Variants in NOL4 observed in about 807,000 individuals in gnomAD.
NOL4 encodes the protein nucleolar protein 4.
Under a neutral mutation model 75.9 loss-of-function variants are expected in NOL4, and 17 were observed. That is an observed-to-expected ratio of 0.22 (90% confidence interval 0.15 to 0.34). The LOEUF is 0.34. Among genes scored for constraint, NOL4 ranks in the 10% least tolerant of loss-of-function variants. The pLI, the probability that NOL4 is intolerant of heterozygous loss-of-function variation, is 1.00. For synonymous variants in NOL4, 292 were observed against 289.9 expected, an observed-to-expected ratio of 1.01 and a Z score of -0.07; for missense variants, 614 against 793.5, an observed-to-expected ratio of 0.77 and a Z score of 2.72.
intron 1 of NOL4, among the ~76,000 whole-genome samples, chr18:34,168,004 TTC>T (rs751116340): frequency 5.1e-4 from 78 of 152,214 alleles, no homozygotes; most frequent in Non-Finnish European, 1.0e-3. Context: ...TTACATTTTT[TTC>T]TGTTTTATTT....
chr18:33,937,900 G>A (rs2068176903), intron 9 of NOL4, among the ~76,000 whole-genome samples: 1 of 152,056 alleles, frequency 6.6e-6, no homozygotes, highest in Admixed American at 6.6e-5. Flanking sequence ...TGATATCCAG[G>A]CAAACTCTAG....
intron 10 of NOL4, among the ~76,000 whole-genome samples, chr18:33,863,063 C>A (rs576309042): frequency 2.6e-5 from 4 of 152,292 alleles, no homozygotes; most frequent in African/African-American, 9.6e-5. Flanking sequence ...AAATGTGGCA[C>A]ATATACACCA....
chr18:34,079,665 C>T (rs1009653035), intron 5 of NOL4, among the ~76,000 whole-genome samples: 1 of 152,014 alleles, frequency 6.6e-6, no homozygotes, highest in Admixed American at 6.6e-5. Context: ...CTCCAAATTG[C>T]TCTTTCCCAC....
At chr18:34,183,239 C>T (rs71363436) in intron 1 of NOL4, among the ~76,000 whole-genome samples, 28,355 of 151,322 alleles carry the variant, frequency 0.19, 2,863 homozygotes, top group Middle Eastern at 0.24. Context: ...AGGCAAAGAT[C>T]TGAACAAACA....
intron 10 of NOL4, among the ~76,000 whole-genome samples, chr18:33,857,468 C>A (rs889989511): frequency 7.2e-5 from 11 of 151,920 alleles, no homozygotes; most frequent in African/African-American, 2.7e-4. Context: ...AATTTCAGAT[C>A]GAATTCAACA....
At chr18:34,068,497 T>G (rs2077375095) in intron 5 of NOL4, among the ~76,000 whole-genome samples, 1 of 152,122 alleles carries the variant, frequency 6.6e-6, no homozygotes. Context: ...ACTCCCTGGT[T>G]CTAGCAATTC....
rs932377270 is a variant in NOL4 at position 34,222,436 on chromosome 18, C to A, written c.264+554G>T. ...GGGAGTGATCGAGGCATTCGGGCTGCCCCGTGCCTCCCGGGCAGCGATCTA... is the reference window on the plus strand; with the variant it reads ...GGGAGTGATCGAGGCATTCGGGCTGACCCGTGCCTCCCGGGCAGCGATCTA... On this transcript the variant is annotated intron_variant, in intron 1 of 10. Transcript: ENST00000261592. The A allele has an allele frequency of 1.3e-5, 14 of 1,106,908 alleles. No homozygotes were observed. In the African/African-American group the frequency reaches 2.1e-4, roughly 17 times the overall value. 68.6% of individuals were successfully genotyped at this position (1,106,908 alleles called of 1,614,324 possible). A position where few individuals can be genotyped will look rare whatever the true frequency, so the allele number is the denominator to read the frequency against.
At chr18:33,926,596 TTTTG>T (rs202135282) in intron 9 of NOL4, among the ~76,000 whole-genome samples, 2,304 of 152,008 alleles carry the variant, frequency 0.015, 65 homozygotes, top group African/African-American at 0.052. Flanking sequence ...GAAATAAGAT[TTTTG>T]TTTGTTTGTT....
intron 9 of NOL4, among the ~76,000 whole-genome samples, chr18:33,910,015 C>G (rs1446243270): frequency 6.6e-6 from 1 of 152,148 alleles, no homozygotes; most frequent in Non-Finnish European, 1.5e-5. Flanking sequence ...AGGCTAAGTG[C>G]ATGTGTGCGT....
At chr18:33,888,242 A>G (rs544659043) in intron 9 of NOL4, among the ~76,000 whole-genome samples, 8 of 152,214 alleles carry the variant, frequency 5.3e-5, no homozygotes, top group African/African-American at 1.7e-4. Flanking sequence ...GTCTGTTCAT[A>G]TCCTTCACCC....
intron 1 of NOL4, among the ~76,000 whole-genome samples, chr18:34,188,669 C>T (rs1305326092): frequency 6.6e-6 from 1 of 152,132 alleles, no homozygotes; most frequent in Non-Finnish European, 1.5e-5. Flanking sequence ...TGCCTACCAC[C>T]CAAAGAGTGT....
intron 9 of NOL4, among the ~76,000 whole-genome samples, chr18:33,928,132 T>C (rs1003763590): frequency 1.3e-5 from 2 of 152,214 alleles, no homozygotes; most frequent in African/African-American, 4.8e-5. Flanking sequence ...GGTCTTCGTT[T>C]ATCCACTAAG....
rs969672633 is a variant in NOL4 at position 34,022,069 on chromosome 18, A to G, written c.773-2468T>C. On this transcript the variant is annotated intron_variant, in intron 5 of 10. Coordinates refer to ENST00000261592, the MANE Select transcript of NOL4 (RefSeq NM_003787.5). ...CAGTGAGCTGAAATCGCGCCATTGC[A>G]CTCCAGCCTGGGCAACAAGAGCGAA... Among the ~76,000 whole-genome samples, 6 of 151,924 alleles carry G rather than the reference A, an allele frequency of 3.9e-5. No individual in the cohort carries two copies. The South Asian group carries it at 8.3e-4, about 21-fold the overall frequency.
chr18:33,946,318 G>A (rs2068832915), intron 8 of NOL4, among the ~76,000 whole-genome samples: 1 of 151,628 alleles, frequency 6.6e-6, no homozygotes, highest in South Asian at 2.1e-4. Flanking sequence ...CTTATTGAGT[G>A]CTTAGGACAT....
chr18:34,038,293 A>G (rs2075999169), intron 5 of NOL4, among the ~76,000 whole-genome samples: 1 of 152,072 alleles, frequency 6.6e-6, no homozygotes, highest in African/African-American at 2.4e-5. Flanking sequence ...TGTTGGTGGG[A>G]ATGTAAATTA....
chr18:34,149,409 T>G (rs2081549504), intron 1 of NOL4, among the ~76,000 whole-genome samples: 1 of 151,552 alleles, frequency 6.6e-6, no homozygotes, highest in Admixed American at 6.6e-5. Context: ...ATTCTGGGAC[T>G]AGTAACTTTG....
At position 34,218,892 on chromosome 18, in the gene NOL4, G is replaced by T. The variant is rs183104662; in HGVS notation, c.264+4098C>A. 5.3e-5 allele frequency among the ~76,000 whole-genome samples: 8 copies of T among 152,304 alleles called. No individual in the cohort carries two copies. The East Asian group carries it at 1.4e-3, about 26-fold the overall frequency. The stretch of plus-strand genomic sequence containing the variant: ...TGCCTTAGGCATAAAGTTAGGCCAG[G>T]TGGAAAGGTATACAGGACTCCTCAT... On this transcript the variant is annotated intron_variant, in intron 1 of 10. Transcript: ENST00000261592.
intron 6 of NOL4, among the ~76,000 whole-genome samples, chr18:33,969,475 G>T (rs909041908): frequency 6.6e-6 from 1 of 151,954 alleles, no homozygotes; most frequent in Non-Finnish European, 1.5e-5. Context: ...TTAGGAGTCT[G>T]TAATTTCTCA....
intron 1 of NOL4, among the ~76,000 whole-genome samples, chr18:34,186,496 T>A (rs563494061): frequency 2.6e-5 from 4 of 152,280 alleles, no homozygotes; most frequent in African/African-American, 9.6e-5. Context: ...CATCAAACAT[T>A]CTAGCTGTAA....
Sources: allele counts gnomAD v4.1 joint callset (sites outside exome capture counted in the v4.1 genomes callset), GRCh38; gene constraint gnomAD v4.1.1; transcripts MANE v1.5; gene names NCBI Gene and HGNC (gene_info 2026-07-23, HGNC 2026-07-21).